The following NEBL variants were observed in gnomAD, a reference collection of about 807,000 sequenced individuals.
The protein encoded by NEBL is nebulette, also known as LIM and SH3 protein 2.
NEBL carries 122 observed loss-of-function variants against 140.2 expected under a neutral mutation model. The ratio of observed to expected loss-of-function variants is 0.87; its 90% CI spans 0.75 to 1.01. The LOEUF is 1.01. NEBL is among the 50% of genes least tolerant of loss of function. The pLI is 0.00. For missense variants in NEBL, 1,365 were observed against 1,231.3 expected (o/e 1.11, Z -1.62); for synonymous variants, 436 against 398.9 (o/e 1.09, Z -1.11).
chr10:20,891,848 T>C (rs977251044), intron 2 of NEBL, among the ~76,000 whole-genome samples: 2 of 152,146 alleles, frequency 1.3e-5, no homozygotes, highest in African/African-American at 4.8e-5. Context: ...TTGTGCAATA[T>C]GAATGACAAT....
intron 24 of NEBL, among the ~76,000 whole-genome samples, 164 bp from the exon 25 acceptor site, chr10:20,810,062 A>G (rs1837988818): frequency 6.6e-6 from 1 of 152,204 alleles, no homozygotes; most frequent in Non-Finnish European, 1.5e-5. Context: ...TGACTTCAGA[A>G]GAGAATGAAA....
intron 2 of NEBL, among the ~76,000 whole-genome samples, chr10:21,072,393 G>A (rs111579657): frequency 6.6e-6 from 1 of 152,120 alleles, no homozygotes; most frequent in African/African-American, 2.4e-5. Context: ...CTCCAAAGAG[G>A]GTCACATTCT....
intron 1 of NEBL, among the ~76,000 whole-genome samples, chr10:21,286,937 A>G (rs1019122068): frequency 3.9e-5 from 6 of 152,156 alleles, no homozygotes; most frequent in Admixed American, 3.9e-4. Flanking sequence ...AGATGGCAGT[A>G]GCGACAAGTG....
At chr10:20,935,588 G>A (rs1834439390) in intron 4 of NEBL, among the ~76,000 whole-genome samples, 2 of 152,156 alleles carry the variant, frequency 1.3e-5, no homozygotes, top group Admixed American at 6.5e-5. Context: ...TCTGGAATCT[G>A]TGCCTTTTAA....
chr10:21,245,869 G>A (rs1214378044), intron 3 of NEBL, among the ~76,000 whole-genome samples: 2 of 152,146 alleles, frequency 1.3e-5, no homozygotes, highest in Non-Finnish European at 2.9e-5. Flanking sequence ...CTAATTTTTT[G>A]TATCTTTAGT....
At chr10:21,126,077 T>C (rs11591355) in intron 2 of NEBL, 226,341 of 1,613,806 alleles carry the variant, frequency 0.14, 17,511 homozygotes, top group East Asian at 0.3. Flanking sequence ...ACCAGCTTCC[T>C]GGGAGGCCTC....
intron 7 of NEBL, 54 bp from the exon 8 acceptor site, chr10:20,859,880 T>C: frequency 5.9e-6 from 5 of 851,436 alleles, no homozygotes; most frequent in South Asian, 3.2e-5. Context: ...GTAACACATA[T>C]GATTTTCACG....
At chr10:21,235,630 A>G (rs1344237977) in intron 3 of NEBL, among the ~76,000 whole-genome samples, 1 of 152,216 alleles carries the variant, frequency 6.6e-6, no homozygotes, top group Non-Finnish European at 1.5e-5. Flanking sequence ...GCATTTTTAG[A>G]ATTCAACAGT....
At chr10:21,030,253 G>C in intron 2 of NEBL, 1 of 583,494 alleles carries the variant, frequency 1.7e-6, no homozygotes, top group Non-Finnish European at 3.1e-6. Context: ...CCCAGGAACC[G>C]GAGAGGCACC....
chr10:21,052,361 C>G (rs143627921), intron 2 of NEBL, among the ~76,000 whole-genome samples: 1 of 152,344 alleles, frequency 6.6e-6, no homozygotes, highest in East Asian at 1.9e-4. Context: ...GCTAAGCTTT[C>G]CACCTCAATT....
At position 21,194,210 on chromosome 10, in the gene NEBL, G is replaced by A. The variant is rs568461693; in HGVS notation, n.349-21733C>T. ...TGGTCTCGAACTTCTGGCCCCAAGT[G>A]ATACTTCCCCCTCAGCTTCCCAAAG... On this transcript the variant is annotated intron_variant and non_coding_transcript_variant, in intron 3 of 8. Transcript: ENST00000675702. 1.6e-4 allele frequency among the ~76,000 whole-genome samples: 24 copies of A among 152,132 alleles called. No individual in the cohort carries two copies. In the East Asian group the frequency reaches 4.6e-3, roughly 29 times the overall value.
At chr10:21,245,662 G>C (rs1048513745) in intron 3 of NEBL, among the ~76,000 whole-genome samples, 1 of 152,130 alleles carries the variant, frequency 6.6e-6, no homozygotes, top group Non-Finnish European at 1.5e-5. Flanking sequence ...CTCCCAAGTA[G>C]CTGGAATTGC....
intron 3 of NEBL, among the ~76,000 whole-genome samples, chr10:21,189,371 G>C (rs1841533449): frequency 6.6e-6 from 1 of 152,086 alleles, no homozygotes; most frequent in Non-Finnish European, 1.5e-5. Context: ...CAAAGAATGG[G>C]TTCTCCCCCA....
intron 1 of NEBL, among the ~76,000 whole-genome samples, chr10:21,271,498 G>A (rs557166450): frequency 6.7e-4 from 101 of 151,714 alleles, no homozygotes; most frequent in African/African-American, 2.3e-3. Flanking sequence ...TTGTATACTT[G>A]AAACTACTAA....
chr10:21,241,826 T>A (rs1842443225), intron 3 of NEBL, among the ~76,000 whole-genome samples: 1 of 152,196 alleles, frequency 6.6e-6, no homozygotes, highest in African/African-American at 2.4e-5. Context: ...CTTTGTAAAG[T>A]CATCAAGTTC....
chr10:21,112,364 G>C (rs1643886277), intron 2 of NEBL, among the ~76,000 whole-genome samples: 1 of 152,128 alleles, frequency 6.6e-6, no homozygotes, highest in Non-Finnish European at 1.5e-5. Context: ...TGATAGACTG[G>C]ATTAAGAAAA....
chr10:20,918,066 T>C (rs1833392708), intron 4 of NEBL, among the ~76,000 whole-genome samples: 1 of 152,164 alleles, frequency 6.6e-6, no homozygotes, highest in South Asian at 2.1e-4. Flanking sequence ...GGAGTTAGAA[T>C]CCAAGCTCCA....
chr10:20,935,716 T>G (rs903713832), intron 4 of NEBL, among the ~76,000 whole-genome samples: 3 of 152,206 alleles, frequency 2.0e-5, no homozygotes, highest in African/African-American at 7.2e-5. Context: ...ATCACAATGC[T>G]TGTAAGGATG....
intron 14 of NEBL, among the ~76,000 whole-genome samples, chr10:20,834,860 T>C (rs556195412): frequency 6.6e-6 from 1 of 152,338 alleles, no homozygotes; most frequent in South Asian, 2.1e-4. Context: ...AATATGCATA[T>C]GGTCTGACTC....
Sources: allele counts gnomAD v4.1 joint callset (sites outside exome capture counted in the v4.1 genomes callset), GRCh38; gene constraint gnomAD v4.1.1; transcripts MANE v1.5; gene names NCBI Gene and HGNC (gene_info 2026-07-23, HGNC 2026-07-21).